Variants in MYOZ2 observed in about 807,000 individuals in gnomAD.
MYOZ2 encodes the protein myozenin-2.
MYOZ2 carries 19 observed loss-of-function variants against 25.4 expected under a neutral mutation model. The ratio of observed to expected loss-of-function variants is 0.75; its 90% CI spans 0.52 to 1.10. The LOEUF is 1.10. Among genes scored for constraint, MYOZ2 ranks in the 50% least tolerant of loss-of-function variants. The pLI is 0.00. For missense variants in MYOZ2, 270 were observed against 317.9 expected (o/e 0.85, Z 1.15); for synonymous variants, 92 against 106.9 (o/e 0.86, Z 0.86).
chr4:119,146,105 G>C (rs1741284753), intron 2 of MYOZ2, among the ~76,000 whole-genome samples: 1 of 151,964 alleles, frequency 6.6e-6, no homozygotes, highest in African/African-American at 2.4e-5. Context: ...GTTAATTTGT[G>C]TCTTCTCTAT....
intron 5 of MYOZ2, among the ~76,000 whole-genome samples, chr4:119,169,427 A>G (rs1170675659): frequency 2.6e-5 from 4 of 152,242 alleles, no homozygotes; most frequent in Non-Finnish European, 4.4e-5. Context: ...TAAGATTTTC[A>G]CATCCAGCTA....
At position 119,168,671 on chromosome 4, in the gene MYOZ2, A is replaced by C. The variant is rs569477640; in HGVS notation, c.560+4277A>C. 6.9e-5 allele frequency among the ~76,000 whole-genome samples: 10 copies of C among 144,406 alleles called. No individual in the cohort carries two copies. The South Asian group carries it at 2.1e-3, about 30-fold the overall frequency. The allele number at this position is 144,406 out of a possible 152,430, so 94.7% of individuals were successfully genotyped here. The stretch of plus-strand genomic sequence containing the variant: ...GTGACTGAATTGCTGCAATCTAAAA[A>C]AAACAACAACAAAACAACAACAACA... On this transcript the variant is annotated intron_variant, in intron 5 of 5. Coordinates refer to ENST00000307128, the MANE Select transcript of MYOZ2 (RefSeq NM_016599.5).
At chr4:119,185,396 C>T (rs1578373917) in intron 5 of MYOZ2, among the ~76,000 whole-genome samples, 1 of 152,164 alleles carries the variant, frequency 6.6e-6, no homozygotes, top group South Asian at 2.1e-4. Context: ...TTCACTGCAA[C>T]CTCCGCCTCC....
At chr4:119,159,191 T>C (rs4334737) in intron 4 of MYOZ2, among the ~76,000 whole-genome samples, 54,967 of 151,962 alleles carry the variant, frequency 0.36, 10,742 homozygotes, top group Non-Finnish European at 0.45. Flanking sequence ...AATACCAGCA[T>C]TTTGGGAGGC....
chr4:119,177,350 G>T (rs1449151321), intron 5 of MYOZ2, among the ~76,000 whole-genome samples: 1 of 152,086 alleles, frequency 6.6e-6, no homozygotes, highest in Non-Finnish European at 1.5e-5. Context: ...ACATAGTTTT[G>T]CTGTCTCCCC....
At chr4:119,169,285 T>G (rs1741899152) in intron 5 of MYOZ2, among the ~76,000 whole-genome samples, 2 of 152,242 alleles carry the variant, frequency 1.3e-5, no homozygotes, top group Admixed American at 1.3e-4. Context: ...ATAAAAAATT[T>G]CATGCAACTT....
At chr4:119,173,678 C>T (rs965846220) in intron 5 of MYOZ2, among the ~76,000 whole-genome samples, 2 of 152,222 alleles carry the variant, frequency 1.3e-5, no homozygotes, top group South Asian at 2.1e-4. Flanking sequence ...CCCACTTTGG[C>T]GGCACTTGAG....
chr4:119,180,581 AT>A (rs1291383603), intron 5 of MYOZ2, among the ~76,000 whole-genome samples: 4 of 152,064 alleles, frequency 2.6e-5, no homozygotes. Context: ...TTGAGATGGA[AT>A]TTTGCTCGTC....
intron 5 of MYOZ2, among the ~76,000 whole-genome samples, chr4:119,177,721 A>T (rs1411790798): frequency 2.0e-5 from 3 of 152,146 alleles, no homozygotes; most frequent in Non-Finnish European, 4.4e-5. Flanking sequence ...CCTTGTTCCT[A>T]AAGTCAGCCT....
intron 3 of MYOZ2, among the ~76,000 whole-genome samples, chr4:119,152,667 C>T (rs1741480407): frequency 6.6e-6 from 1 of 151,926 alleles, no homozygotes; most frequent in African/African-American, 2.4e-5. Flanking sequence ...TTTCACTATT[C>T]CCTGAAGACT....
chr4:119,147,762 C>G (rs1383939535), intron 2 of MYOZ2, among the ~76,000 whole-genome samples: 1 of 103,912 alleles, frequency 9.6e-6, no homozygotes, highest in East Asian at 2.9e-4. Flanking sequence ...AAAAAATCTA[C>G]TTTGATGTCT....
At chr4:119,185,437 C>G (rs1269645165) in intron 5 of MYOZ2, among the ~76,000 whole-genome samples, 2 of 152,150 alleles carry the variant, frequency 1.3e-5, no homozygotes, top group Non-Finnish European at 2.9e-5. Flanking sequence ...GCCTCAGCCT[C>G]CTGAGTAGCT....
intron 3 of MYOZ2, among the ~76,000 whole-genome samples, chr4:119,153,062 CTT>C (rs5861415): frequency 4.0e-4 from 55 of 137,692 alleles, no homozygotes; most frequent in Admixed American, 5.8e-4. Flanking sequence ...AAAGCGTTGC[CTT>C]TTTTTTTTTT....
At chr4:119,163,965 G>T (rs538269821) in intron 4 of MYOZ2, among the ~76,000 whole-genome samples, 1 of 152,118 alleles carries the variant, frequency 6.6e-6, no homozygotes, top group East Asian at 1.9e-4. Flanking sequence ...AGACAGTCAA[G>T]AAAAAACTGT....
chr4:119,179,207 C>T (rs980791402), intron 5 of MYOZ2, among the ~76,000 whole-genome samples: 3 of 152,228 alleles, frequency 2.0e-5, no homozygotes, highest in Non-Finnish European at 4.4e-5. Flanking sequence ...AGGCTTTCCT[C>T]AAGCTCACCC....
chr4:119,150,494 C>A, intron 2 of MYOZ2, among the ~76,000 whole-genome samples: 1 of 125,960 alleles, frequency 7.9e-6, no homozygotes, highest in Non-Finnish European at 1.9e-5. Flanking sequence ...AAAGCTGACA[C>A]ATAAAAATGT....
chr4:119,154,882 C>T (rs1741536382), intron 3 of MYOZ2, among the ~76,000 whole-genome samples: 1 of 151,740 alleles, frequency 6.6e-6, no homozygotes, highest in Admixed American at 6.6e-5. Flanking sequence ...CACACACACA[C>T]ACACACACAA....
At chr4:119,177,192 A>G (rs2149228824) in intron 5 of MYOZ2, among the ~76,000 whole-genome samples, 1 of 152,310 alleles carries the variant, frequency 6.6e-6, no homozygotes, top group South Asian at 2.1e-4. Flanking sequence ...GTTCGCCATT[A>G]TGATCATTCC....
chr4:119,167,003 A>G (rs1015832577), intron 5 of MYOZ2, among the ~76,000 whole-genome samples: 2 of 152,208 alleles, frequency 1.3e-5, no homozygotes, highest in Non-Finnish European at 2.9e-5. Context: ...AAGCCAATTA[A>G]TAACCCTATA....
Sources: allele counts gnomAD v4.1 joint callset (sites outside exome capture counted in the v4.1 genomes callset), GRCh38; gene constraint gnomAD v4.1.1; transcripts MANE v1.5; gene names NCBI Gene and HGNC (gene_info 2026-07-23, HGNC 2026-07-21).